The following RBFOX1 variants were observed in gnomAD, a reference collection of about 807,000 sequenced individuals.
RBFOX1 encodes the protein RNA binding protein fox-1 homolog 1.
A neutral mutation model predicts 57.7 loss-of-function variants in RBFOX1; 8 were observed. The observed-to-expected ratio is 0.14, with a 90% CI of 0.08 to 0.25. The LOEUF is 0.25. RBFOX1 is among the 10% of genes least tolerant of loss of function. The pLI is 1.00. For synonymous variants in RBFOX1, 326 were observed against 222.4 expected, an observed-to-expected ratio of 1.47 and a Z score of -4.15; for missense variants, 611 against 548.5, an observed-to-expected ratio of 1.11 and a Z score of -1.14.
intron 2 of RBFOX1, among the ~76,000 whole-genome samples, chr16:6,626,915 C>A (rs9941313): frequency 6.6e-6 from 1 of 152,176 alleles, no homozygotes; most frequent in African/African-American, 2.4e-5. Context: ...ACCTTATACA[C>A]AAAGGCCCTT....
At chr16:5,579,579 T>A (rs919536430) in intron 2 of RBFOX1, among the ~76,000 whole-genome samples, 1 of 152,136 alleles carries the variant, frequency 6.6e-6, no homozygotes, top group African/African-American at 2.4e-5. Flanking sequence ...CTCGCCCTGC[T>A]GCTCAAACCA....
At chr16:7,331,362 C>T (rs979805015) in intron 4 of RBFOX1, among the ~76,000 whole-genome samples, 4 of 152,120 alleles carry the variant, frequency 2.6e-5, no homozygotes, top group Non-Finnish European at 5.9e-5. Flanking sequence ...AGGTGATTTT[C>T]AGTGATTCCT....
chr16:6,477,020 G>A (rs1408916286), intron 2 of RBFOX1, among the ~76,000 whole-genome samples: 1 of 152,194 alleles, frequency 6.6e-6, no homozygotes. Context: ...CGAGATTGCA[G>A]CAATGTAGTT....
chr16:5,894,689 A>G (rs1597676291), intron 4 of RBFOX1, among the ~76,000 whole-genome samples: 1 of 151,956 alleles, frequency 6.6e-6, no homozygotes, highest in East Asian at 1.9e-4. Flanking sequence ...ACATTGGACC[A>G]TGTTATCTAT....
intron 3 of RBFOX1, among the ~76,000 whole-genome samples, chr16:5,657,384 G>A (rs1191869435): frequency 6.6e-6 from 1 of 152,166 alleles, no homozygotes; most frequent in East Asian, 1.9e-4. Flanking sequence ...TGATCCTGCT[G>A]TTGCTGTTTA....
At chr16:5,456,029 G>C (rs559103158) in intron 1 of RBFOX1, among the ~76,000 whole-genome samples, 2 of 150,636 alleles carry the variant, frequency 1.3e-5, no homozygotes, top group African/African-American at 2.5e-5. Flanking sequence ...TGTGTGCAAT[G>C]TGAAAAAAAT....
intron 3 of RBFOX1, among the ~76,000 whole-genome samples, chr16:5,655,838 CT>C (rs1274216261): frequency 6.6e-6 from 1 of 152,208 alleles, no homozygotes; most frequent in African/African-American, 2.4e-5. Context: ...ATTTGACTCT[CT>C]GTTTGTCTTT....
intron 13 of RBFOX1, among the ~76,000 whole-genome samples, chr16:7,673,829 T>C (rs1194485792): frequency 6.6e-6 from 1 of 152,222 alleles, no homozygotes; most frequent in Non-Finnish European, 1.5e-5. Context: ...TCATGCCTCG[T>C]TCCTTTGGTT....
At chr16:6,753,280 T>C (rs1157034088) in intron 3 of RBFOX1, among the ~76,000 whole-genome samples, 11 of 152,184 alleles carry the variant, frequency 7.2e-5, no homozygotes, top group Admixed American at 5.9e-4. Context: ...GTGGTAGATA[T>C]ATGGATGTTT....
At chr16:6,659,169 A>G (rs1201587973) in intron 3 of RBFOX1, among the ~76,000 whole-genome samples, 1 of 151,996 alleles carries the variant, frequency 6.6e-6, no homozygotes, top group African/African-American at 2.4e-5. Context: ...AAAGACTGAG[A>G]TTCAGGTGAT....
chr16:7,664,588 G>T (rs533231840), intron 12 of RBFOX1, among the ~76,000 whole-genome samples: 2 of 152,210 alleles, frequency 1.3e-5, no homozygotes, highest in South Asian at 2.1e-4. Flanking sequence ...ACTCTGACCT[G>T]TTAAGATGCT....
At chr16:5,290,609 C>T (rs1226106168) in intron 1 of RBFOX1, among the ~76,000 whole-genome samples, 1 of 151,808 alleles carries the variant, frequency 6.6e-6, no homozygotes, top group African/African-American at 2.4e-5. Flanking sequence ...TAAGGAGAGG[C>T]CTAGGGGGTG....
intron 5 of RBFOX1, among the ~76,000 whole-genome samples, chr16:7,539,718 G>A (rs376348080): frequency 1.3e-5 from 2 of 152,134 alleles, no homozygotes; most frequent in African/African-American, 2.4e-5. Context: ...ATTGCTTGGC[G>A]ACCAAGTGCA....
rs539146304 is a variant in RBFOX1 at position 7,052,937 on chromosome 16, A to C, written c.27+839A>C. Among the ~76,000 whole-genome samples the C allele has an allele frequency of 3.9e-5, 6 of 152,308 alleles. No homozygotes were observed. In the South Asian group the frequency reaches 6.2e-4, roughly 16 times the overall value. ...AATGTGCCTTATAGCCATGTTTTCA[A>C]ATTGTTATAAAAATCAGAGAAATAT... On this transcript the variant is annotated intron_variant, in intron 4 of 15. Transcript: ENST00000550418.
At chr16:6,754,581 C>G (rs1242198131) in intron 3 of RBFOX1, among the ~76,000 whole-genome samples, 2 of 152,110 alleles carry the variant, frequency 1.3e-5, no homozygotes, top group South Asian at 2.1e-4. Context: ...TTGGCCTCCA[C>G]TAATTTTTTG....
intron 1 of RBFOX1, among the ~76,000 whole-genome samples, chr16:5,457,924 G>C (rs1420112310): frequency 4.6e-5 from 7 of 152,224 alleles, no homozygotes; most frequent in Middle Eastern, 3.4e-3. Flanking sequence ...CGAAAGCCAT[G>C]ACTGCCATTT....
At chr16:7,179,232 T>G (rs1486243353) in intron 4 of RBFOX1, among the ~76,000 whole-genome samples, 3 of 152,054 alleles carry the variant, frequency 2.0e-5, no homozygotes, top group Admixed American at 6.6e-5. Context: ...ATTTTTTTTT[T>G]TTTTCCAAAA....
chr16:7,180,714 GA>G (rs71391606), intron 4 of RBFOX1, among the ~76,000 whole-genome samples: 30,768 of 145,976 alleles, frequency 0.21, 3,881 homozygotes, highest in East Asian at 0.39. Flanking sequence ...TTATTATGAT[GA>G]AAAAAAAAAA....
Position 6,019,506 on chromosome 16 carries a change from C to T in RBFOX1, c.-613C>T. Reference sequence around the variant, plus strand: ...CTCCGCCCCAGCCCCCCAGCAGCACCCGCGGTGGGGCGGGGGCGCTCTGCC... The same window carrying T: ...CTCCGCCCCAGCCCCCCAGCAGCACTCGCGGTGGGGCGGGGGCGCTCTGCC... On this transcript the variant is annotated 5_prime_UTR_variant, in exon 1 of 16. Coordinates refer to ENST00000550418, the MANE Select transcript of RBFOX1 (RefSeq NM_018723.4). The surrounding 1 kb of genome is among the most constrained non-coding windows in gnomAD (Gnocchi z 4.2). The T allele has an allele frequency of 9.7e-7, 1 of 1,032,982 alleles. No homozygotes were observed. Among genetic ancestry groups the T allele is most frequent in the Non-Finnish European group, 1.2e-6 (1 of 861,010 alleles). 64.0% of individuals were successfully genotyped at this position (1,032,982 alleles called of 1,614,324 possible). A position where few individuals can be genotyped will look rare whatever the true frequency, so the allele number is the denominator to read the frequency against.
Sources: allele counts gnomAD v4.1 joint callset (sites outside exome capture counted in the v4.1 genomes callset), GRCh38; gene constraint gnomAD v4.1.1; non-coding constraint Gnocchi (gnomAD v3.1); transcripts MANE v1.5; gene names NCBI Gene and HGNC (gene_info 2026-07-23, HGNC 2026-07-21).